Variants in CFI observed in about 807,000 individuals in gnomAD.
CFI encodes complement factor I.
Under a neutral mutation model 78.8 loss-of-function variants are expected in CFI, and 66 were observed. The ratio of observed to expected loss-of-function variants is 0.84; its 90% confidence interval spans 0.69 to 1.03. The LOEUF is 1.03. Among genes scored for constraint, CFI ranks in the 50% least tolerant of loss-of-function variants. The pLI, the probability that CFI is intolerant of heterozygous loss-of-function variation, is 0.00. For synonymous variants in CFI, 250 were observed against 232.6 expected (o/e 1.07, Z -0.68); for missense variants, 706 against 704.5 (o/e 1.00, Z -0.02).
At chr4:109,752,937 A>T (rs1166351251) in intron 7 of CFI, among the ~76,000 whole-genome samples, 2 of 68,400 alleles carry the variant, frequency 2.9e-5, no homozygotes, top group Non-Finnish European at 5.9e-5. Flanking sequence ...TTATTATATA[A>T]ATAAATATTT....
chr4:109,764,530 C>G lies in CFI; in HGVS notation c.482+7G>C. On this transcript the variant is annotated splice_region_variant and intron_variant, in intron 3 of 12. Coordinates refer to ENST00000394634, the MANE Select transcript of CFI (RefSeq NM_000204.5). ...CCATGAGAAAATCCACTGATACAAGCGCTCACTGTTGAAACCCAAGGTCAA... is the reference window on the plus strand; with the variant it reads ...CCATGAGAAAATCCACTGATACAAGGGCTCACTGTTGAAACCCAAGGTCAA... The G allele has an allele frequency of 2.5e-6, 4 of 1,613,934 alleles. No homozygotes were observed. Among genetic ancestry groups the G allele is most frequent in the Non-Finnish European group, 3.4e-6 (4 of 1,179,964 alleles).
At chr4:109,750,063 C>A (rs749691420) in intron 8 of CFI, among the ~76,000 whole-genome samples, 1 of 151,986 alleles carries the variant, frequency 6.6e-6, no homozygotes, top group Non-Finnish European at 1.5e-5. Context: ...ATGGCACGAT[C>A]TCAGCTCACT....
intron 2 of CFI, among the ~76,000 whole-genome samples, chr4:109,765,301 GC>G (rs1727593331): frequency 1.3e-5 from 2 of 152,120 alleles, no homozygotes; most frequent in Non-Finnish European, 2.9e-5. Context: ...ATGTCATGGT[GC>G]CTTTAAAAAG....
intron 6 of CFI, chr4:109,760,016 G>A: frequency 1.6e-6 from 1 of 626,946 alleles, no homozygotes; most frequent in Non-Finnish European, 2.9e-6. Flanking sequence ...GGTACTTAAG[G>A]ATTGGTTCTA....
the CFI span, among the ~76,000 whole-genome samples, chr4:109,731,371 T>C: frequency 1.3e-5 from 2 of 152,262 alleles, no homozygotes; most frequent in East Asian, 3.9e-4. Context: ...GAGTAAGTAT[T>C]GGGCATAGGT....
intron 1 of CFI, among the ~76,000 whole-genome samples, chr4:109,775,604 C>T (rs1161785231): frequency 6.6e-6 from 1 of 152,204 alleles, no homozygotes; most frequent in African/African-American, 2.4e-5. Flanking sequence ...GCAGCAGAAA[C>T]TTCTGCAGAC....
intron 1 of CFI, among the ~76,000 whole-genome samples, chr4:109,777,375 G>C (rs1373521972): frequency 6.6e-6 from 1 of 152,096 alleles, no homozygotes; most frequent in Non-Finnish European, 1.5e-5. Context: ...AAGATCAAAA[G>C]AGACAAAGAA....
Position 109,788,861 on chromosome 4 carries a change from G to C in CFI, c.57+13054C>G, listed in dbSNP as rs556036440. Among the ~76,000 whole-genome samples the C allele has an allele frequency of 5.7e-4, 86 of 152,096 alleles. 1 individual carries two copies. The South Asian group carries it at 0.018, about 31-fold the overall frequency. On this transcript the variant is annotated intron_variant, in intron 1 of 12. Transcript: ENST00000394634. ...AATATTTGACATTTAATACAAAATA[G>C]TAGGCATCAGAGAAGTCATAAAATA...
At chr4:109,797,074 T>C (rs1161125987) in intron 1 of CFI, among the ~76,000 whole-genome samples, 1 of 152,208 alleles carries the variant, frequency 6.6e-6, no homozygotes, top group Non-Finnish European at 1.5e-5. Context: ...GAAAATATAA[T>C]TCTAAAATTT....
chr4:109,761,627 T>G lies in CFI; in HGVS notation c.548A>C (p.His183Pro). Residue 183 changes from histidine to proline, a missense_variant, in exon 4 of 13, where the codon CAT (histidine) becomes CCT (proline). Physicochemically the swap from His to Pro is moderately conservative, Grantham distance 77. Coordinates refer to ENST00000394634, the MANE Select transcript of CFI (RefSeq NM_000204.5). ...GGTCTCTAATCCTCGGCAATGCACA[T>G]GTAGACATTCAGTGGAATTTATAGA... ...DLSINSTECL[H>P]VHCRGLETSL... 1 of 1,613,802 alleles carries G rather than the reference T, an allele frequency of 6.2e-7. No homozygotes were observed. Among genetic ancestry groups the G allele is most frequent in the Non-Finnish European group, 8.5e-7 (1 of 1,179,718 alleles).
chr4:109,741,193 A>C, intron 12 of CFI, 83 bp from the exon 13 acceptor site: 2 of 1,601,390 alleles, frequency 1.2e-6, no homozygotes, highest in South Asian at 1.1e-5. Context: ...GCATTTAACA[A>C]CTTTGGCTTT....
At chr4:109,748,148 G>A (rs1006228401) in intron 10 of CFI, among the ~76,000 whole-genome samples, 4 of 152,174 alleles carry the variant, frequency 2.6e-5, no homozygotes, top group Non-Finnish European at 5.9e-5. Flanking sequence ...GGTGTCCTAG[G>A]AAATAATGAG....
chr4:109,785,237 G>A (rs1194961461), intron 1 of CFI, among the ~76,000 whole-genome samples: 1 of 151,988 alleles, frequency 6.6e-6, no homozygotes, highest in African/African-American at 2.4e-5. Context: ...CTGTTTGGTG[G>A]TCTCTTCACA....
intron 1 of CFI, among the ~76,000 whole-genome samples, chr4:109,784,842 A>G (rs1267387288): frequency 1.3e-5 from 2 of 152,068 alleles, no homozygotes; most frequent in Admixed American, 6.6e-5. Context: ...AAGCTAAGCC[A>G]TCATATCTCC....
rs76045076 is a variant in CFI, at chr4:109,789,461, G to A, written c.57+12454C>T. Among the ~76,000 whole-genome samples the A allele has an allele frequency of 0.011, 1,746 of 152,016 alleles. 87 individuals are homozygous for A. The East Asian group carries it at 0.13, about 11-fold the overall frequency. On this transcript the variant is annotated intron_variant, in intron 1 of 12. Coordinates refer to ENST00000394634, the MANE Select transcript of CFI (RefSeq NM_000204.5). ...AAAAAGACACTATGTACAGAGAAAC[G>A]AAGATAAGTATGACATTTCTCATCA...
chr4:109,774,714 C>G (rs1470375633), intron 1 of CFI, among the ~76,000 whole-genome samples: 1 of 152,156 alleles, frequency 6.6e-6, no homozygotes, highest in African/African-American at 2.4e-5. Flanking sequence ...GTAAAGGAGA[C>G]TGAGAATATG....
At chr4:109,760,683 G>A (rs1579217584) in intron 4 of CFI, 47 bp from the exon 5 acceptor site, 3 of 1,073,830 alleles carry the variant, frequency 2.8e-6, no homozygotes, top group Non-Finnish European at 2.9e-6. Flanking sequence ...TGGAGTGGTG[G>A]CATGACATCC....
At chr4:109,792,175 A>G (rs1161280516) in intron 1 of CFI, among the ~76,000 whole-genome samples, 2 of 152,166 alleles carry the variant, frequency 1.3e-5, no homozygotes, top group Non-Finnish European at 2.9e-5. Context: ...ATATATGTCT[A>G]GTTATTAGGT....
intron 2 of CFI, 135 bp from the exon 3 acceptor site, chr4:109,764,825 T>G: frequency 3.7e-6 from 3 of 802,838 alleles, no homozygotes; most frequent in Non-Finnish European, 6.0e-6. Flanking sequence ...CAAGTAATAG[T>G]AAGCAATCAT....
Sources: allele counts gnomAD v4.1 joint callset (sites outside exome capture counted in the v4.1 genomes callset), GRCh38; gene constraint gnomAD v4.1.1; transcripts MANE v1.5; gene names NCBI Gene and HGNC (gene_info 2026-07-23, HGNC 2026-07-21).